LRRC37B: variants seen among roughly 807,000 people sequenced by gnomAD.
LRRC37B encodes the protein leucine-rich repeat-containing protein 37B.
A neutral mutation model predicts 98.3 loss-of-function variants in LRRC37B; 28 were observed. The observed-to-expected ratio is 0.28, with a 90% confidence interval of 0.21 to 0.39. LRRC37B has a LOEUF of 0.39. LRRC37B is among the 10% of genes least tolerant of loss of function. LRRC37B has a pLI of 1.00. For missense variants in LRRC37B, 938 were observed against 1,182.7 expected (o/e 0.79, Z 3.03); for synonymous variants, 364 against 442.7 (o/e 0.82, Z 2.23).
At chr17:32,053,284 G>A (rs1448625682) in exon 12 of LRRC37B, 1 of 1,608,910 alleles carries the variant, frequency 6.2e-7, no homozygotes, top group Non-Finnish European at 8.5e-7. Flanking sequence ...ACATAAAAGG[G>A]CATCAGAAAA....
At chr17:32,042,441 T>C in intron 7 of LRRC37B, 1 of 158,026 alleles carries the variant, frequency 6.3e-6, no homozygotes, top group Non-Finnish European at 1.4e-5. Context: ...TTCAAGCCCC[T>C]GGTAGCCAGG....
chr17:32,049,505 A>G lies in LRRC37B; in HGVS notation c.2757+111A>G, dbSNP rs1359305704. The stretch of plus-strand genomic sequence containing the variant: ...TCCCAGGCCATAGCTTGTCTTGGCC[A>G]TGTAACTTTGGCCATGACAGTGATC... On this transcript the variant is annotated intron_variant, in intron 10 of 11. Coordinates refer to ENST00000327564, the Ensembl canonical transcript of LRRC37B. The G allele has an allele frequency of 4.3e-5, 51 of 1,179,094 alleles. 1 individual carries two copies. Among genetic ancestry groups the G allele is most frequent in the South Asian group, 8.2e-5 (5 of 60,898 alleles). 73.0% of individuals were successfully genotyped at this position (1,179,094 alleles called of 1,614,324 possible). A position where few individuals can be genotyped will look rare whatever the true frequency, so the allele number is the denominator to read the frequency against.
chr17:32,011,910 G>A (rs916464129), intron 1 of LRRC37B, among the ~76,000 whole-genome samples: 3 of 152,160 alleles, frequency 2.0e-5, no homozygotes, highest in Non-Finnish European at 4.4e-5. Flanking sequence ...TTTGACCCAT[G>A]ATTTGTTTTA....
At chr17:32,019,134 C>T (rs113539939), upstream of LRRC37B, among the ~76,000 whole-genome samples, 1 of 152,286 alleles carries the variant, frequency 6.6e-6, no homozygotes, top group African/African-American at 2.4e-5. Flanking sequence ...GCCATGTTGG[C>T]CAGACTGGTC....
chr17:32,015,134 A>T (rs1444875088), intron 1 of LRRC37B, among the ~76,000 whole-genome samples: 1 of 152,180 alleles, frequency 6.6e-6, no homozygotes, highest in African/African-American at 2.4e-5. Flanking sequence ...TCTCAAAAAA[A>T]AGAAAGCACC....
At chr17:32,032,991 C>T (rs1158828920) in intron 5 of LRRC37B, among the ~76,000 whole-genome samples, 4 of 152,086 alleles carry the variant, frequency 2.6e-5, no homozygotes, top group Non-Finnish European at 5.9e-5. Flanking sequence ...TGGTGAAACC[C>T]CGTCTGTACT....
At chr17:32,016,195 A>G (rs1387486652), upstream of LRRC37B, among the ~76,000 whole-genome samples, 1 of 152,188 alleles carries the variant, frequency 6.6e-6, no homozygotes, top group Admixed American at 6.5e-5. Flanking sequence ...TTGCCTCAGT[A>G]ACTGCCAGGT....
At chr17:32,033,989 C>T (rs1385712032) in intron 5 of LRRC37B, 1 of 152,064 alleles carries the variant, frequency 6.6e-6, no homozygotes, top group Non-Finnish European at 1.5e-5. Context: ...GCTGATAGCC[C>T]AGGAGACTGA....
At chr17:32,020,945 G>A (rs543022029), upstream of LRRC37B, 91 of 1,457,002 alleles carry the variant, frequency 6.2e-5, no homozygotes, top group Non-Finnish European at 7.8e-5. Context: ...GTTCCGGCCT[G>A]GCGGGGTGGG....
chr17:32,011,448 C>T (rs1170356104), intron 1 of LRRC37B, among the ~76,000 whole-genome samples: 2 of 152,226 alleles, frequency 1.3e-5, no homozygotes, highest in African/African-American at 2.4e-5. Context: ...ATCTTCCTGC[C>T]TTGGCCTCCC....
At chr17:32,016,447 T>G (rs1910650125), upstream of LRRC37B, among the ~76,000 whole-genome samples, 1 of 152,202 alleles carries the variant, frequency 6.6e-6, no homozygotes, top group Admixed American at 6.5e-5. Flanking sequence ...GTGGTTAAGC[T>G]TTGGCTTCCG....
At chr17:32,014,542 G>C (rs1417183317) in intron 1 of LRRC37B, among the ~76,000 whole-genome samples, 1 of 152,178 alleles carries the variant, frequency 6.6e-6, no homozygotes, top group Non-Finnish European at 1.5e-5. Flanking sequence ...TATACCAGTG[G>C]TAATACTAGA....
At chr17:32,049,418 G>A in intron 10 of LRRC37B, 24 bp downstream of exon 13, 1 of 1,596,118 alleles carries the variant, frequency 6.3e-7, no homozygotes, top group Non-Finnish European at 8.6e-7. Context: ...AGAAACATGA[G>A]ACCCAGATTT....
chr17:32,051,484 A>G (rs1911757727), intron 11 of LRRC37B: 1 of 150,492 alleles, frequency 6.6e-6, no homozygotes, highest in South Asian at 2.1e-4. Context: ...CTGCCTCAAA[A>G]AAAAAAAAAA....
chr17:32,053,006 C>A, intron 11 of LRRC37B: 1 of 414,566 alleles, frequency 2.4e-6, no homozygotes, highest in South Asian at 3.2e-5. Context: ...AGACACTGCA[C>A]CATTATACGT....
At chr17:32,013,237 TC>T (rs1208827019) in intron 1 of LRRC37B, among the ~76,000 whole-genome samples, 7 of 152,202 alleles carry the variant, frequency 4.6e-5, no homozygotes, top group African/African-American at 1.7e-4. Context: ...ATTCCTGGGC[TC>T]AAGGCATCTG....
exon 3 of LRRC37B, chr17:32,027,805 G>C: frequency 6.2e-7 from 1 of 1,607,444 alleles, no homozygotes; most frequent in Non-Finnish European, 8.5e-7. Flanking sequence ...AATTACCTAA[G>C]GATTCATTTG....
At chr17:32,025,889 C>T (rs1422715666) in intron 2 of LRRC37B, among the ~76,000 whole-genome samples, 1 of 152,242 alleles carries the variant, frequency 6.6e-6, no homozygotes, top group Non-Finnish European at 1.5e-5. Flanking sequence ...CACCTTTTCA[C>T]TGTTGGGAAT....
chr17:32,017,791 C>T (rs918981337), upstream of LRRC37B, among the ~76,000 whole-genome samples: 1 of 151,698 alleles, frequency 6.6e-6, no homozygotes. Context: ...GACCCAGTCT[C>T]CAAAAAAAAC....
Sources: allele counts gnomAD v4.1 joint callset (sites outside exome capture counted in the v4.1 genomes callset), GRCh38; gene constraint gnomAD v4.1.1; transcripts MANE v1.5; gene names NCBI Gene and HGNC (gene_info 2026-07-23, HGNC 2026-07-21).